NUGGC: variants seen among roughly 807,000 people sequenced by gnomAD.
The protein encoded by NUGGC is nuclear GTPase, germinal center associated, also known as nuclear GTPase SLIP-GC.
Under a neutral mutation model 92.6 loss-of-function variants are expected in NUGGC, and 58 were observed. That is an observed-to-expected ratio of 0.63 (90% CI 0.51 to 0.78). The LOEUF (loss-of-function observed/expected upper bound fraction) is 0.78. NUGGC is among the 30% of genes least tolerant of loss of function. The pLI is 0.00. For missense variants in NUGGC, 925 were observed against 964.6 expected, an observed-to-expected ratio of 0.96 and a Z score of 0.54; for synonymous variants, 376 against 366.4, an observed-to-expected ratio of 1.03 and a Z score of -0.30.
At chr8:28,054,494 T>C (rs912302936) in intron 10 of NUGGC, among the ~76,000 whole-genome samples, 1 of 150,828 alleles carries the variant, frequency 6.6e-6, no homozygotes, top group African/African-American at 2.4e-5. Context: ...AATAAAAAAG[T>C]TAAAAAAAAA....
chr8:28,060,814 C>A (rs540806391), intron 7 of NUGGC, among the ~76,000 whole-genome samples: 1 of 152,348 alleles, frequency 6.6e-6, no homozygotes, highest in Admixed American at 6.5e-5. Flanking sequence ...GCCTAGCCCC[C>A]ATTTGTTCCT....
intron 13 of NUGGC, among the ~76,000 whole-genome samples, chr8:28,034,704 C>G (rs1364927379): frequency 6.6e-6 from 1 of 152,178 alleles, no homozygotes; most frequent in Non-Finnish European, 1.5e-5. Context: ...GTAATCCCAG[C>G]TACTCAGGAG....
At chr8:28,079,523 G>A (rs995000945) in intron 1 of NUGGC, among the ~76,000 whole-genome samples, 7 of 152,122 alleles carry the variant, frequency 4.6e-5, no homozygotes, top group African/African-American at 1.4e-4. Context: ...GCAACAAAGC[G>A]AGATTTCGTC....
In NUGGC at chr8:28,079,554, G is replaced by A. The variant is rs141727693; in HGVS notation, c.-47+4221C>T. On this transcript the variant is annotated intron_variant, in intron 1 of 18. Coordinates refer to ENST00000413272, the MANE Select transcript of NUGGC (RefSeq NM_001010906.2). ...TCGTCTTAAAAAAAAGAATGCTAGG[G>A]CCCCTTCTTCTACAGATCCAGACCC... is the stretch of plus-strand genomic sequence containing the variant. 5.6e-3 allele frequency among the ~76,000 whole-genome samples: 853 copies of A among 152,228 alleles called. 6 individuals carry two copies. The highest frequency in any genetic ancestry group is 0.019 in the African/African-American group (795 of 41,546).
At chr8:28,031,665 T>G (rs1346996378) in intron 14 of NUGGC, among the ~76,000 whole-genome samples, 1 of 152,208 alleles carries the variant, frequency 6.6e-6, no homozygotes, top group Non-Finnish European at 1.5e-5. Flanking sequence ...GGCAGAGCCA[T>G]GCTTGGAACA....
chr8:28,057,443 G>C (rs1301183372), intron 9 of NUGGC, among the ~76,000 whole-genome samples: 1 of 149,740 alleles, frequency 6.7e-6, no homozygotes, highest in African/African-American at 2.5e-5. Context: ...CCAGGTTCAA[G>C]TGACTGTCCT....
In NUGGC at chr8:28,067,731, T is replaced by C. The variant is rs768067939; in HGVS notation, c.494A>G (p.Glu165Gly). ...HLLSDQEWRE[E>G]LKNLTKLLHR... The stretch of plus-strand genomic sequence containing the variant: ...CAGGAGTTTGGTCAGGTTCTTCAGC[T>C]CCTCCCTCCACTCCTGCCAAGGCAG... Residue 165 changes from glutamate (E) to glycine (G), a missense_variant, in exon 6 of 19, where the codon GAG becomes GGG. By Grantham distance (98) the Glu-to-Gly change is moderately conservative (BLOSUM62 -2). Coordinates refer to ENST00000413272, the MANE Select transcript of NUGGC (RefSeq NM_001010906.2). 1 of 1,612,096 alleles carries C rather than the reference T, an allele frequency of 6.2e-7. No individual in the cohort carries two copies. Among genetic ancestry groups the C allele is most frequent in the South Asian group, 1.1e-5 (1 of 90,640 alleles).
At chr8:28,049,942 T>C (rs945572193) in intron 10 of NUGGC, among the ~76,000 whole-genome samples, 4 of 149,776 alleles carry the variant, frequency 2.7e-5, no homozygotes, top group African/African-American at 9.9e-5. Context: ...AAAAAATTAG[T>C]CGGGCATGGA....
intron 18 of NUGGC, among the ~76,000 whole-genome samples, chr8:28,026,031 C>T (rs995783140): frequency 6.6e-6 from 1 of 152,096 alleles, no homozygotes; most frequent in African/African-American, 2.4e-5. Context: ...TGGCAACATA[C>T]CATATACATT....
chr8:28,063,514 A>G (rs1810360285), intron 7 of NUGGC, among the ~76,000 whole-genome samples: 1 of 152,188 alleles, frequency 6.6e-6, no homozygotes, highest in Non-Finnish European at 1.5e-5. Context: ...AAGGGGAAGG[A>G]CACAGAGACT....
chr8:28,064,455 CT>C, intron 7 of NUGGC, 66 bp downstream of exon 7: 1 of 1,320,036 alleles, frequency 7.6e-7, no homozygotes, highest in Non-Finnish European at 1.1e-6. Context: ...CCAGAGCATT[CT>C]TTGTTGCTTG....
intron 13 of NUGGC, among the ~76,000 whole-genome samples, chr8:28,038,735 A>G (rs17058497): frequency 0.012 from 1,774 of 152,318 alleles, 44 homozygotes; most frequent in African/African-American, 0.04. Context: ...AGTTGCTGCA[A>G]TCGTTTGCTG....
intron 13 of NUGGC, among the ~76,000 whole-genome samples, chr8:28,034,175 C>A (rs181016812): frequency 1.6e-4 from 25 of 152,230 alleles, no homozygotes; most frequent in African/African-American, 5.8e-4. Context: ...TAAGGATAGT[C>A]CAGATTTCAT....
chr8:28,029,287 C>G lies in NUGGC; in HGVS notation c.2133G>C (p.Gln711His). The change falls in exon 17 of 19, where the codon CAG (glutamine) becomes CAC (histidine). Residue 711 changes from glutamine (Q) to histidine (H), a missense_variant. Coordinates refer to ENST00000413272, the MANE Select transcript of NUGGC (RefSeq NM_001010906.2). ...GTACCTTCAGCTGCTGAAACTGGTG[C>G]TGCATCCTTTCCTGGGCCCTTTCAA... Reference protein sequence around the residue: ...GMFERAQERMQHQFQQLKTGI... With the variant: ...GMFERAQERMHHQFQQLKTGI... The G allele has an allele frequency of 1.2e-6, 2 of 1,606,560 alleles. No individual in the cohort carries two copies. The highest frequency in any genetic ancestry group is 1.7e-6 in the Non-Finnish European group (2 of 1,176,556).
chr8:28,042,767 C>T (rs769583685), intron 12 of NUGGC, among the ~76,000 whole-genome samples: 24 of 152,150 alleles, frequency 1.6e-4, no homozygotes, highest in African/African-American at 5.6e-4. Flanking sequence ...GTGGATTGAA[C>T]GAGTGGCCCA....
At chr8:28,067,862 G>A in intron 5 of NUGGC, 118 bp from the exon 6 acceptor site, 1 of 765,104 alleles carries the variant, frequency 1.3e-6, no homozygotes, top group Non-Finnish European at 2.1e-6. Flanking sequence ...GAAAATCTAG[G>A]TCATCTATCT....
Position 28,031,270 on chromosome 8 carries a change from G to A in NUGGC, c.1881C>T (p.Ser627=), listed in dbSNP as rs201027118. ...IGIRSGWKYD[S]CKKNFLIQEI... ...CCTGGATCAGGAAATTTTTTTTGCA[G>A]CTATCATATTTCCAGCCACTTCTTA... is the stretch of plus-strand genomic sequence containing the variant. The change falls in exon 15 of 19, where the codon AGC becomes AGT. Residue 627 remains serine, a synonymous_variant. Coordinates refer to ENST00000413272, the MANE Select transcript of NUGGC (RefSeq NM_001010906.2). 153 of 1,613,940 alleles carry A rather than the reference G, an allele frequency of 9.5e-5. No individual in the cohort carries two copies. The African/African-American group carries it at 1.9e-3, about 20-fold the overall frequency.
At chr8:28,064,867 G>A (rs976807247) in intron 6 of NUGGC, 136 bp from the exon 7 acceptor site, 8 of 689,678 alleles carry the variant, frequency 1.2e-5, no homozygotes, top group Admixed American at 2.4e-5. Flanking sequence ...CTGCAATCAG[G>A]TCTGTAGGAC....
chr8:28,046,826 T>C (rs3943493), intron 11 of NUGGC, among the ~76,000 whole-genome samples: 76,033 of 150,074 alleles, frequency 0.51, 19,371 homozygotes, highest in East Asian at 0.63. Flanking sequence ...CACCACCACG[T>C]CCGGCTAATT....
Sources: allele counts gnomAD v4.1 joint callset (sites outside exome capture counted in the v4.1 genomes callset), GRCh38; gene constraint gnomAD v4.1.1; transcripts MANE v1.5; gene names NCBI Gene and HGNC (gene_info 2026-07-23, HGNC 2026-07-21).